The following PCLO variants were observed in gnomAD, a reference collection of about 807,000 sequenced individuals.
PCLO encodes the protein piccolo presynaptic cytomatrix protein.
Under a neutral mutation model 427.5 loss-of-function variants are expected in PCLO, and 82 were observed. The ratio of observed to expected loss-of-function variants is 0.19; its 90% confidence interval spans 0.16 to 0.23. PCLO has a LOEUF of 0.23. Among genes scored for constraint, PCLO ranks in the 10% least tolerant of loss-of-function variants. The probability of loss-of-function intolerance (pLI) is 1.00; values close to 1 mark genes in which losing one functional copy is unlikely to be tolerated. For missense variants in PCLO, 6,239 were observed against 6,115.9 expected, an observed-to-expected ratio of 1.02 and a Z score of -0.67; for synonymous variants, 2,357 against 2,155.4, an observed-to-expected ratio of 1.09 and a Z score of -2.59.
chr7:82,868,847 A>G (rs943862817), intron 10 of PCLO, among the ~76,000 whole-genome samples: 1 of 152,200 alleles, frequency 6.6e-6, no homozygotes, highest in Admixed American at 6.6e-5. Flanking sequence ...AAATTTATCA[A>G]TTATAATAAT....
intron 9 of PCLO, among the ~76,000 whole-genome samples, chr7:82,902,228 A>C (rs1794060438): frequency 6.6e-6 from 1 of 151,436 alleles, no homozygotes; most frequent in Non-Finnish European, 1.5e-5. Context: ...CATATACACC[A>C]TGGAATACTA....
intron 10 of PCLO, among the ~76,000 whole-genome samples, chr7:82,874,241 C>T (rs1311449444): frequency 6.6e-6 from 1 of 151,170 alleles, no homozygotes; most frequent in African/African-American, 2.4e-5. Context: ...TTGTGCTGGA[C>T]ACAGTATAAA....
At chr7:83,137,516 T>C (rs1031171676) in intron 2 of PCLO, among the ~76,000 whole-genome samples, 12 of 152,130 alleles carry the variant, frequency 7.9e-5, no homozygotes, top group Non-Finnish European at 1.2e-4. Context: ...CTGCAAGCTC[T>C]GCCTCCCAGG....
At chr7:82,972,214 G>A (rs1417447575) in intron 3 of PCLO, among the ~76,000 whole-genome samples, 1 of 151,902 alleles carries the variant, frequency 6.6e-6, no homozygotes, top group Non-Finnish European at 1.5e-5. Context: ...ATTCACGAGA[G>A]CTTGTTCAAA....
intron 4 of PCLO, among the ~76,000 whole-genome samples, chr7:82,959,456 T>C (rs1795606831): frequency 1.3e-5 from 2 of 152,220 alleles, no homozygotes; most frequent in Admixed American, 6.5e-5. Context: ...CATGGTTATA[T>C]GTAACAATTC....
intron 9 of PCLO, among the ~76,000 whole-genome samples, chr7:82,886,183 T>A (rs967830177): frequency 6.6e-6 from 1 of 152,202 alleles, no homozygotes; most frequent in Non-Finnish European, 1.5e-5. Flanking sequence ...TGGTTCAATC[T>A]GTAGCCACAA....
At chr7:83,137,727 C>A (rs2116627245) in intron 2 of PCLO, among the ~76,000 whole-genome samples, 1 of 152,270 alleles carries the variant, frequency 6.6e-6, no homozygotes, top group Non-Finnish European at 1.5e-5. Flanking sequence ...GCCACCACGC[C>A]CGGCCATGGA....
chr7:83,134,488 G>A lies in PCLO; in HGVS notation c.3062C>T (p.Thr1021Ile), dbSNP rs1157049853. ...AGGTGGTGGCTTTTTTTCTGTTTCTGTTCTTTTTACTGTTGGAGCTTGTTC... is the reference window on the plus strand; with the variant it reads ...AGGTGGTGGCTTTTTTTCTGTTTCTATTCTTTTTACTGTTGGAGCTTGTTC... ...KAEQAPTVKRTETEKKPPPIK... is the reference protein window; with the variant it reads ...KAEQAPTVKRIETEKKPPPIK... The change falls in exon 3 of 25, where the codon ACA (threonine) becomes ATA (isoleucine). Residue 1021 changes from threonine (T) to isoleucine (I), a missense_variant. This residue lies in a region of PCLO where 4,677 missense variants were observed against 4,468.4 expected (regional missense o/e 1.05). Coordinates refer to ENST00000333891, the MANE Select transcript of PCLO (RefSeq NM_033026.6). 1.2e-6 allele frequency: 2 copies of A among 1,613,338 alleles called. No homozygotes were observed. Among genetic ancestry groups the A allele is most frequent in the South Asian group, 1.1e-5 (1 of 91,052 alleles).
rs777016360 is a variant in PCLO at position 82,902,756 on chromosome 7, T to C, written c.13438-15A>G. The C allele has an allele frequency of 7.9e-6, 11 of 1,396,238 alleles. No individual in the cohort carries two copies. In the African/African-American group the frequency reaches 1.1e-4, roughly 14 times the overall value. The allele number at this position is 1,396,238 out of a possible 1,614,324, so 86.5% of individuals were successfully genotyped here. ...ATCTGTATAATCTAAGACATACATG[T>C]AGTAAGGTAAAAAACCAGCATTAAA... On this transcript the variant is annotated splice_polypyrimidine_tract_variant and intron_variant, in intron 8 of 24. Coordinates refer to ENST00000333891, the MANE Select transcript of PCLO (RefSeq NM_033026.6).
At chr7:82,856,231 A>T (rs1200245340) in intron 10 of PCLO, among the ~76,000 whole-genome samples, 1 of 152,164 alleles carries the variant, frequency 6.6e-6, no homozygotes, top group Admixed American at 6.6e-5. Context: ...GAAAGATTGG[A>T]CTTGATTACA....
At chr7:82,826,553 T>C (rs887740293) in intron 18 of PCLO, 36 bp downstream of exon 18, 5 of 1,370,986 alleles carry the variant, frequency 3.6e-6, no homozygotes, top group South Asian at 1.2e-5. Flanking sequence ...TGGTTTACCA[T>C]AGCAGCAAAT....
chr7:83,062,753 G>A (rs1487245268), intron 3 of PCLO, among the ~76,000 whole-genome samples: 1 of 151,824 alleles, frequency 6.6e-6, no homozygotes, highest in East Asian at 1.9e-4. Flanking sequence ...GTATTTCCTT[G>A]GCACTTCCCA....
At chr7:82,943,223 T>C (rs973015745) in intron 6 of PCLO, among the ~76,000 whole-genome samples, 2 of 152,186 alleles carry the variant, frequency 1.3e-5, no homozygotes, top group African/African-American at 4.8e-5. Context: ...AATAGGATCC[T>C]GGCTTAAACA....
At chr7:83,065,207 C>T (rs553402522) in intron 3 of PCLO, among the ~76,000 whole-genome samples, 2 of 151,954 alleles carry the variant, frequency 1.3e-5, no homozygotes, top group African/African-American at 4.8e-5. Context: ...TAGCCACAGT[C>T]AGCTCAGTAT....
At position 82,956,202 on chromosome 7, in the gene PCLO, T is replaced by C. The variant is rs1795514219; in HGVS notation, c.4751A>G (p.Glu1584Gly). The change falls in exon 5 of 25, where the codon GAG (glutamate) becomes GGG (glycine). Residue 1584 changes from glutamate to glycine, a missense_variant. Glu to Gly is a moderately conservative substitution (Grantham distance 98). Transcript: ENST00000333891. ...DDEFIRNQLK[E>G]ISSSTESQKK... ...CTGGCTCTCAGTACTGCTACTAATC[T>C]CTTTGAGCTGGTTTCTGATGAACTC... 6.8e-6 allele frequency: 11 copies of C among 1,610,048 alleles called. 1 individual carries two copies. Among genetic ancestry groups the C allele is most frequent in the Non-Finnish European group, 8.5e-6 (10 of 1,179,836 alleles).
At position 82,755,789 on chromosome 7, in the gene PCLO, G is replaced by A. The variant is rs936486095; in HGVS notation, c.*2786C>T. The stretch of plus-strand genomic sequence containing the variant: ...AAAGAAACAGTTTTGTTGTAAGAAG[G>A]GTAGTCAACATCATTCAGAAGAAAC... On this transcript the variant is annotated 3_prime_UTR_variant, in exon 25 of 25. Coordinates refer to ENST00000333891, the MANE Select transcript of PCLO (RefSeq NM_033026.6). 6 of 152,070 alleles carry A rather than the reference G, an allele frequency of 3.9e-5. No homozygotes were observed. Among genetic ancestry groups the A allele is most frequent in the African/African-American group, 1.4e-4 (6 of 41,420 alleles). The allele number at this position is 152,070 out of a possible 1,614,324, so 9.4% of individuals were successfully genotyped here. A position where few individuals can be genotyped will look rare whatever the true frequency, so the allele number is the denominator to read the frequency against.
intron 10 of PCLO, among the ~76,000 whole-genome samples, chr7:82,878,216 A>G (rs1250294593): frequency 6.6e-6 from 1 of 152,214 alleles, no homozygotes; most frequent in Non-Finnish European, 1.5e-5. Flanking sequence ...TGGCTCCAGC[A>G]TAACATTGTG....
chr7:82,760,663 T>G lies in PCLO; in HGVS notation c.15264A>C (p.Leu5088=). The part of the protein sequence containing the change: ...PSFNETFRFS[L]SPAGHSLQIL... ...CCTGAAGAGAATGTCCTGCAGGACT[T>G]AGACTGAATCGAAAAGTTTCATTAA... The change falls in exon 24 of 25, where the codon CTA becomes CTC. Residue 5088 remains leucine, a synonymous_variant. Transcript: ENST00000333891. 6.2e-7 allele frequency: 1 copy of G among 1,605,676 alleles called. No individual in the cohort carries two copies. The highest frequency in any genetic ancestry group is 8.5e-7 in the Non-Finnish European group (1 of 1,176,006).
At chr7:82,811,655 T>G (rs1791574671) in intron 20 of PCLO, among the ~76,000 whole-genome samples, 1 of 151,476 alleles carries the variant, frequency 6.6e-6, no homozygotes, top group South Asian at 2.1e-4. Context: ...AGAAGTTTAA[T>G]TTTTTTCCAA....
Sources: allele counts gnomAD v4.1 joint callset (sites outside exome capture counted in the v4.1 genomes callset), GRCh38; gene constraint gnomAD v4.1.1; regional missense constraint gnomAD v4.1.1; transcripts MANE v1.5; gene names NCBI Gene and HGNC (gene_info 2026-07-23, HGNC 2026-07-21).